Variants in OPCML observed in about 807,000 individuals in gnomAD.
OPCML encodes the protein opioid binding protein/cell adhesion molecule like, also known as opioid-binding protein/cell adhesion molecule.
A neutral mutation model predicts 37.8 loss-of-function variants in OPCML; 13 were observed. The ratio of observed to expected loss-of-function variants is 0.34; its 90% CI spans 0.22 to 0.55. The LOEUF (loss-of-function observed/expected upper bound fraction) is 0.55. Ranked by LOEUF, OPCML falls within the 20% of genes least tolerant of loss-of-function variation. The probability of loss-of-function intolerance (pLI) is 0.91; values close to 1 mark genes in which losing one functional copy is unlikely to be tolerated. For missense variants in OPCML, 341 were observed against 435.6 expected, an observed-to-expected ratio of 0.78 and a Z score of 1.93; for synonymous variants, 176 against 168.8, an observed-to-expected ratio of 1.04 and a Z score of -0.33.
intron 1 of OPCML, among the ~76,000 whole-genome samples, chr11:133,093,691 C>T (rs1157859106): frequency 6.6e-6 from 1 of 151,942 alleles, no homozygotes; most frequent in South Asian, 2.1e-4. Context: ...CTGGAGTAGA[C>T]GGTTTTTTCT....
At chr11:132,864,023 C>T (rs1169897959) in intron 2 of OPCML, among the ~76,000 whole-genome samples, 2 of 152,064 alleles carry the variant, frequency 1.3e-5, no homozygotes, top group East Asian at 1.9e-4. Context: ...CTGCAACCGC[C>T]GCCTCCTGGG....
chr11:133,332,792 C>T lies in OPCML; in HGVS notation c.61+199472G>A, dbSNP rs186753192. 3.4e-3 allele frequency among the ~76,000 whole-genome samples: 510 copies of T among 152,162 alleles called. 1 individual carries two copies. The highest frequency in any genetic ancestry group is 0.011 in the African/African-American group (457 of 41,502). ...TCATATGTTGAACCAACCTTGCCTGCGGGGATGAAGTCTACTTGATCATGG... is the reference window on the plus strand; with the variant it reads ...TCATATGTTGAACCAACCTTGCCTGTGGGGATGAAGTCTACTTGATCATGG... On this transcript the variant is annotated intron_variant, in intron 1 of 7. Coordinates refer to ENST00000524381, the MANE Select transcript of OPCML (RefSeq NM_001012393.5).
chr11:132,839,622 C>A (rs931566809), intron 2 of OPCML, among the ~76,000 whole-genome samples: 1 of 152,124 alleles, frequency 6.6e-6, no homozygotes, highest in African/African-American at 2.4e-5. Flanking sequence ...GCTGACCCAC[C>A]ACACTGCTGT....
At chr11:132,704,274 T>C (rs1002212143) in intron 2 of OPCML, among the ~76,000 whole-genome samples, 2 of 152,348 alleles carry the variant, frequency 1.3e-5, no homozygotes, top group Non-Finnish European at 2.9e-5. Flanking sequence ...TCATATTTTT[T>C]CTGAAGAAGT....
chr11:133,453,875 C>G (rs1241616685), intron 1 of OPCML, among the ~76,000 whole-genome samples: 3 of 152,156 alleles, frequency 2.0e-5, no homozygotes, highest in Non-Finnish European at 2.9e-5. Context: ...CATATGAACT[C>G]AAACACATGG....
intron 7 of OPCML, among the ~76,000 whole-genome samples, chr11:132,428,557 T>C (rs547952499): frequency 6.6e-6 from 1 of 152,270 alleles, no homozygotes; most frequent in African/African-American, 2.4e-5. Flanking sequence ...CCAGAAAGTA[T>C]GCACTCATCA....
intron 2 of OPCML, among the ~76,000 whole-genome samples, chr11:132,735,272 T>C (rs994389989): frequency 5.9e-5 from 9 of 152,080 alleles, no homozygotes; most frequent in Non-Finnish European, 4.4e-5. Context: ...GTGAAATCTT[T>C]TGTTAAGATC....
intron 2 of OPCML, among the ~76,000 whole-genome samples, chr11:132,836,751 G>T (rs533894684): frequency 6.6e-6 from 1 of 152,092 alleles, no homozygotes; most frequent in African/African-American, 2.4e-5. Context: ...AACAAGACAC[G>T]AAATTTATTT....
At chr11:133,327,867 G>A (rs889824547) in intron 1 of OPCML, among the ~76,000 whole-genome samples, 1 of 152,088 alleles carries the variant, frequency 6.6e-6, no homozygotes, top group Non-Finnish European at 1.5e-5. Context: ...TGTGCACCAG[G>A]GTTCTGATCA....
At chr11:133,486,117 A>T (rs1947520976) in intron 1 of OPCML, among the ~76,000 whole-genome samples, 1 of 152,180 alleles carries the variant, frequency 6.6e-6, no homozygotes. Context: ...TCTTTGTGCA[A>T]AAACACACAT....
At position 132,420,249 on chromosome 11, in the gene OPCML, G is replaced by T; in HGVS notation, c.961C>A (p.Leu321Met). 1 of 1,613,956 alleles carries T rather than the reference G, an allele frequency of 6.2e-7. No individual in the cohort carries two copies. The highest frequency in any genetic ancestry group is 1.1e-5 in the South Asian group (1 of 91,074). ...IDGVNSASRA[L>M]ACLWLSGTLL... is the part of the protein sequence containing the mutation. Reference sequence around the variant, plus strand: ...GTCCCTGATAGCCAGAGACAAGCCAGTGCTCTGGAGGCCGAGTTTACACCA... The same window carrying T: ...GTCCCTGATAGCCAGAGACAAGCCATTGCTCTGGAGGCCGAGTTTACACCA... Residue 321 changes from leucine (L) to methionine (M), a missense_variant, in exon 8 of 8, where the codon CTG (leucine) becomes ATG (methionine). Leu to Met is a conservative substitution (Grantham distance 15). Coordinates refer to ENST00000524381, the MANE Select transcript of OPCML (RefSeq NM_001012393.5).
intron 2 of OPCML, among the ~76,000 whole-genome samples, chr11:132,936,938 T>C (rs141330825): frequency 0.014 from 2,076 of 152,126 alleles, 27 homozygotes; most frequent in Non-Finnish European, 0.019. Flanking sequence ...TGCTGTCTTG[T>C]ATATGTTAAA....
intron 4 of OPCML, among the ~76,000 whole-genome samples, chr11:132,488,339 C>T (rs2509236): frequency 0.5 from 76,705 of 152,008 alleles, 20,219 homozygotes; most frequent in East Asian, 0.81. Flanking sequence ...TGTGTGAACA[C>T]CCTAGAGTGC....
chr11:133,044,427 G>A (rs1591945950), intron 1 of OPCML, among the ~76,000 whole-genome samples: 1 of 152,112 alleles, frequency 6.6e-6, no homozygotes, highest in African/African-American at 2.4e-5. Context: ...AAGGAGAGAG[G>A]CTAAATTGTG....
Position 132,607,064 on chromosome 11 carries a change from A to G in OPCML, c.379+50023T>C, listed in dbSNP as rs554846074. Among the ~76,000 whole-genome samples the G allele has an allele frequency of 4.7e-4, 72 of 152,320 alleles. No individual in the cohort carries two copies. The South Asian group carries it at 0.01, about 21-fold the overall frequency. ...TTCAGGCAGACTTTTCAATCATATC[A>G]CTAATTAAGTAAGCGAGTGAAGTTA... On this transcript the variant is annotated intron_variant, in intron 3 of 7. Transcript: ENST00000524381.
chr11:132,692,820 T>C (rs1379362409), intron 2 of OPCML, among the ~76,000 whole-genome samples: 3 of 152,174 alleles, frequency 2.0e-5, no homozygotes, highest in Non-Finnish European at 4.4e-5. Context: ...AAAATAAAAA[T>C]TAAAATGTCC....
At chr11:132,795,204 C>T (rs1165326343) in intron 2 of OPCML, among the ~76,000 whole-genome samples, 2 of 151,984 alleles carry the variant, frequency 1.3e-5, no homozygotes, top group South Asian at 4.1e-4. Context: ...ACATTTCATA[C>T]GTTTGAATTT....
chr11:133,507,164 C>A (rs1283021900), intron 1 of OPCML, among the ~76,000 whole-genome samples: 1 of 152,206 alleles, frequency 6.6e-6, no homozygotes, highest in Non-Finnish European at 1.5e-5. Context: ...GACCAAGAGA[C>A]CCTGTGGACT....
At chr11:133,506,951 A>T (rs1948044751) in intron 1 of OPCML, among the ~76,000 whole-genome samples, 1 of 152,080 alleles carries the variant, frequency 6.6e-6, no homozygotes, top group Admixed American at 6.5e-5. Flanking sequence ...CCACTCATCC[A>T]CTTTCTTTCT....
Sources: gnomAD v4.1 joint callset for allele counts (sites outside exome capture counted in the v4.1 genomes callset) on GRCh38, gnomAD v4.1.1 for gene constraint, MANE v1.5 for transcripts, NCBI Gene and HGNC (gene_info 2026-07-23, HGNC 2026-07-21) for gene names.